Variants in MACROD2 observed in about 807,000 individuals in gnomAD.
MACROD2 encodes the protein mono-ADP ribosylhydrolase 2.
A neutral mutation model predicts 70.4 loss-of-function variants in MACROD2; 36 were observed. That is an observed-to-expected ratio of 0.51 (90% CI 0.39 to 0.68). MACROD2 has a LOEUF of 0.68. Ranked by LOEUF, MACROD2 falls within the 30% of genes least tolerant of loss-of-function variation. The pLI, the probability that MACROD2 is intolerant of heterozygous loss-of-function variation, is 0.00. For missense variants in MACROD2, 496 were observed against 538.4 expected, an observed-to-expected ratio of 0.92 and a Z score of 0.78; for synonymous variants, 172 against 178.8, an observed-to-expected ratio of 0.96 and a Z score of 0.30.
intron 15 of MACROD2, among the ~76,000 whole-genome samples, chr20:16,011,444 T>C (rs2066861464): frequency 6.6e-6 from 1 of 152,182 alleles, no homozygotes; most frequent in African/African-American, 2.4e-5. Context: ...GCCCCAGTGG[T>C]TCTGAGCGGT....
At chr20:14,832,152 C>T (rs918846402) in intron 5 of MACROD2, among the ~76,000 whole-genome samples, 44 of 148,394 alleles carry the variant, frequency 3.0e-4, no homozygotes, top group African/African-American at 1.1e-3. Context: ...ACGCCATTCT[C>T]CTGCCTCAGC....
At chr20:15,406,025 C>G (rs941136719) in intron 6 of MACROD2, among the ~76,000 whole-genome samples, 1 of 152,140 alleles carries the variant, frequency 6.6e-6, no homozygotes, top group Non-Finnish European at 1.5e-5. Flanking sequence ...ACTGTCTACC[C>G]AGCTACCCAA....
rs142415769 is a variant in MACROD2 at position 15,272,884 on chromosome 20, T to C, written c.540+42823T>C. On this transcript the variant is annotated intron_variant, in intron 6 of 17. Coordinates refer to ENST00000684519, the MANE Select transcript of MACROD2 (RefSeq NM_001351661.2). ...CCTGCCCATCCAATGCCCCTTTCCA[T>C]TGGCTCCCACTATCCTAATCCTAAT... 8.6e-3 allele frequency among the ~76,000 whole-genome samples: 1,304 copies of C among 152,332 alleles called. 8 individuals carry two copies. Among genetic ancestry groups the C allele is most frequent in the Non-Finnish European group, 0.014 (942 of 68,010 alleles).
At chr20:15,875,441 A>G (rs974325681) in intron 9 of MACROD2, among the ~76,000 whole-genome samples, 1 of 152,050 alleles carries the variant, frequency 6.6e-6, no homozygotes, top group Non-Finnish European at 1.5e-5. Flanking sequence ...GATCACATTG[A>G]TGTTTAGAAT....
intron 9 of MACROD2, among the ~76,000 whole-genome samples, chr20:15,864,157 C>A (rs938007149): frequency 1.3e-5 from 2 of 151,774 alleles, no homozygotes; most frequent in African/African-American, 4.8e-5. Context: ...CACATAACAG[C>A]TATTTAATAA....
chr20:15,458,635 TTTTTAAAA>T (rs1291166822), intron 7 of MACROD2, among the ~76,000 whole-genome samples: 1 of 142,644 alleles, frequency 7.0e-6, no homozygotes, highest in Non-Finnish European at 1.5e-5. Context: ...TTGTTTTTTT[TTTTTAAAA>T]AAAAAAAAGA....
At chr20:14,038,893 TAAAAC>T (rs2053352709) in intron 2 of MACROD2, among the ~76,000 whole-genome samples, 1 of 152,226 alleles carries the variant, frequency 6.6e-6, no homozygotes, top group African/African-American at 2.4e-5. Flanking sequence ...TGTTGAACGT[TAAAAC>T]AAATTTGCTT....
At chr20:14,477,285 G>A (rs749874307) in intron 3 of MACROD2, among the ~76,000 whole-genome samples, 7 of 152,124 alleles carry the variant, frequency 4.6e-5, no homozygotes, top group Admixed American at 6.5e-5. Context: ...GGCTTGTGAT[G>A]ACTCTCTGGG....
chr20:15,461,006 A>ATATATATATATATATATATTTT lies in MACROD2; in HGVS notation c.571+29572_571+29573insATATATATATATATATATTTTT. On this transcript the variant is annotated intron_variant, in intron 7 of 17. Coordinates refer to ENST00000684519, the MANE Select transcript of MACROD2 (RefSeq NM_001351661.2). ...TATATATATATATATATATATATAT[A>ATATATATATATATATATATTTT]TTTTTTTTTAATAGATGGGGTCTTG... Among the ~76,000 whole-genome samples the ATATATATATATATATATATTTT allele has an allele frequency of 7.2e-3, 482 of 66,690 alleles. 5 individuals carry two copies. The highest frequency in any genetic ancestry group is 0.013 in the Non-Finnish European group (395 of 30,224). 43.8% of individuals were successfully genotyped at this position (66,690 alleles called of 152,430 possible).
chr20:15,378,099 C>A (rs1020121651), intron 6 of MACROD2, among the ~76,000 whole-genome samples: 5 of 150,952 alleles, frequency 3.3e-5, no homozygotes, highest in African/African-American at 7.3e-5. Context: ...ATGTAACAAA[C>A]CTGCACGTTC....
At chr20:15,299,189 T>C (rs1431430642) in intron 6 of MACROD2, among the ~76,000 whole-genome samples, 8 of 152,180 alleles carry the variant, frequency 5.3e-5, no homozygotes, top group Admixed American at 5.2e-4. Flanking sequence ...GTGTGTAAAC[T>C]AGTAAATTTC....
intron 4 of MACROD2, among the ~76,000 whole-genome samples, chr20:14,595,062 G>C (rs1163185969): frequency 1.3e-5 from 2 of 151,974 alleles, no homozygotes; most frequent in African/African-American, 4.8e-5. Context: ...CAAACCATAT[G>C]TACTGTTTTA....
At chr20:14,842,148 G>A (rs431873) in intron 5 of MACROD2, among the ~76,000 whole-genome samples, 37,073 of 151,920 alleles carry the variant, frequency 0.24, 4,739 homozygotes, top group Middle Eastern at 0.34. Context: ...TGGCGAGACC[G>A]ACCGTTCTCT....
intron 4 of MACROD2, among the ~76,000 whole-genome samples, chr20:14,656,890 A>G (rs1217678951): frequency 2.6e-5 from 4 of 151,974 alleles, no homozygotes; most frequent in African/African-American, 9.7e-5. Flanking sequence ...TTTGTTTCCT[A>G]GGCTATAGGT....
chr20:15,308,984 T>C (rs1455030400), intron 6 of MACROD2, among the ~76,000 whole-genome samples: 1 of 152,102 alleles, frequency 6.6e-6, no homozygotes, highest in African/African-American at 2.4e-5. Flanking sequence ...ACCTCCCCCT[T>C]TGGATTTTGG....
rs574759210 is a variant in MACROD2 at position 14,724,479 on chromosome 20, A to T, written c.418+39520A>T. Among the ~76,000 whole-genome samples the T allele has an allele frequency of 2.6e-5, 4 of 152,320 alleles. No individual in the cohort carries two copies. The East Asian group carries it at 7.7e-4, about 29-fold the overall frequency. On this transcript the variant is annotated intron_variant, in intron 5 of 17. Coordinates refer to ENST00000684519, the MANE Select transcript of MACROD2 (RefSeq NM_001351661.2). ...TTTTTGACTTCTACTGAAAGGAAAT[A>T]AGCAACATGAGTAAATGTGCATGAA... is the stretch of plus-strand genomic sequence containing the variant.
At chr20:14,392,020 C>T (rs566371102) in intron 3 of MACROD2, among the ~76,000 whole-genome samples, 5 of 151,468 alleles carry the variant, frequency 3.3e-5, no homozygotes, top group Non-Finnish European at 4.4e-5. Context: ...CTTAGGAATG[C>T]GACTTCTTTT....
intron 5 of MACROD2, among the ~76,000 whole-genome samples, chr20:14,917,839 G>A (rs1600820614): frequency 6.6e-6 from 1 of 152,268 alleles, no homozygotes; most frequent in South Asian, 2.1e-4. Flanking sequence ...GGAAGCAGTG[G>A]GGGCGAAAGT....
intron 3 of MACROD2, among the ~76,000 whole-genome samples, chr20:14,227,579 G>A (rs200100702): frequency 6.6e-6 from 1 of 152,132 alleles, no homozygotes; most frequent in African/African-American, 2.4e-5. Flanking sequence ...AACTCCGAAC[G>A]CATCTGAACA....
Sources: gnomAD v4.1 joint callset for allele counts (sites outside exome capture counted in the v4.1 genomes callset) on GRCh38, gnomAD v4.1.1 for gene constraint, MANE v1.5 for transcripts, NCBI Gene and HGNC (gene_info 2026-07-23, HGNC 2026-07-21) for gene names.